Variants in KIF4A observed in about 807,000 individuals in gnomAD.
The protein encoded by KIF4A is chromosome-associated kinesin KIF4A.
A neutral mutation model predicts 105.9 loss-of-function variants in KIF4A; 7 were observed. The ratio of observed to expected loss-of-function variants is 0.07; its 90% CI spans 0.04 to 0.12. The LOEUF (loss-of-function observed/expected upper bound fraction) is 0.12. Ranked by LOEUF, KIF4A falls within the 10% of genes least tolerant of loss-of-function variation. The probability of loss-of-function intolerance (pLI) is 1.00; values close to 1 mark genes in which losing one functional copy is unlikely to be tolerated. For synonymous variants in KIF4A, 281 were observed against 331.3 expected (o/e 0.85, Z 1.65); for missense variants, 558 against 929.2 (o/e 0.60, Z 5.19).
chrX:70,336,609 G>A (rs906589548), intron 10 of KIF4A, among the ~76,000 whole-genome samples: 1 of 111,377 alleles, frequency 9.0e-6, no homozygotes, highest in Non-Finnish European at 1.9e-5. Context: ...CGTATTATGG[G>A]TGAATTTGAG....
intron 28 of KIF4A, among the ~76,000 whole-genome samples, chrX:70,414,135 CTT>C (rs1399938162): frequency 9.0e-6 from 1 of 111,543 alleles, no homozygotes; most frequent in Non-Finnish European, 1.9e-5. Flanking sequence ...TCAAAACAAT[CTT>C]AATATTTAAC....
At chrX:70,365,834 C>G (rs760317650) in intron 15 of KIF4A, among the ~76,000 whole-genome samples, 58 of 111,715 alleles carry the variant, frequency 5.2e-4, no homozygotes, top group Admixed American at 8.6e-4. Context: ...GCTCCTCCTT[C>G]TACCTCTGGT....
At chrX:70,364,567 T>A (rs1459171538) in intron 15 of KIF4A, among the ~76,000 whole-genome samples, 2 of 108,529 alleles carry the variant, frequency 1.8e-5, no homozygotes, top group East Asian at 5.8e-4. Context: ...GCGGCATTAT[T>A]TCTGAGGGCT....
At chrX:70,309,698 C>T (rs1177320166) in intron 7 of KIF4A, among the ~76,000 whole-genome samples, 1 of 112,345 alleles carries the variant, frequency 8.9e-6, no homozygotes, top group Non-Finnish European at 1.9e-5. Context: ...ATTAGCATAT[C>T]AATCACCTCA....
At chrX:70,387,124 G>C (rs1020946585) in intron 19 of KIF4A, 60 bp from the exon 20 acceptor site, 23 of 822,478 alleles carry the variant, frequency 2.8e-5, no homozygotes, top group Non-Finnish European at 4.0e-5. Context: ...TAATGTGCTA[G>C]AAATTGGATT....
Position 70,400,434 on chromosome X carries a change from T to C in KIF4A, c.2490-2132T>C, listed in dbSNP as rs139558590. On this transcript the variant is annotated intron_variant, in intron 22 of 30. Coordinates refer to ENST00000374403, the MANE Select transcript of KIF4A (RefSeq NM_012310.5). ...AATCCAGTCTATCATTGTTGGACAT[T>C]TGGGTTGCAACTAACTCTTAAGGAG... Among the ~76,000 whole-genome samples the C allele has an allele frequency of 2.1e-3, 233 of 111,817 alleles. 1 individual carries two copies. The highest frequency in any genetic ancestry group is 3.6e-3 in the Non-Finnish European group (190 of 53,191).
intron 3 of KIF4A, among the ~76,000 whole-genome samples, chrX:70,292,322 T>C (rs1010371297): frequency 3.5e-5 from 4 of 112,727 alleles, no homozygotes; most frequent in African/African-American, 1.3e-4. Context: ...TATTTAGTTT[T>C]GCTGTCTCTT....
At chrX:70,375,751 C>G (rs1262599899) in intron 17 of KIF4A, among the ~76,000 whole-genome samples, 4 of 112,034 alleles carry the variant, frequency 3.6e-5, no homozygotes, top group Non-Finnish European at 5.6e-5. Context: ...TTACAGGCTA[C>G]TTGTACTGAA....
intron 23 of KIF4A, among the ~76,000 whole-genome samples, chrX:70,403,137 C>G (rs1036361855): frequency 8.9e-5 from 10 of 112,394 alleles, no homozygotes; most frequent in Admixed American, 4.7e-4. Flanking sequence ...CTTTGCTGAC[C>G]TTAAAATGAT....
chrX:70,395,876 C>T, intron 21 of KIF4A, 50 bp downstream of exon 21: 2 of 1,199,660 alleles, frequency 1.7e-6, no homozygotes, highest in Non-Finnish European at 2.3e-6. Flanking sequence ...TCTACATTCC[C>T]CAGAAATCCT....
intron 15 of KIF4A, among the ~76,000 whole-genome samples, chrX:70,360,471 C>T (rs978448687): frequency 2.7e-5 from 3 of 112,692 alleles, no homozygotes; most frequent in East Asian, 2.8e-4. Context: ...ACACATGGAG[C>T]GAGGAATGTG....
chrX:70,319,279 G>A lies in KIF4A; in HGVS notation c.779-10126G>A, dbSNP rs367736949. 4.5e-5 allele frequency among the ~76,000 whole-genome samples: 5 copies of A among 111,377 alleles called. No homozygotes were observed. In the East Asian group the frequency reaches 1.4e-3, roughly 31 times the overall value. Reference sequence around the variant, plus strand: ...CTCCGTCTCAAAAAAAAGAAAGAAAGAAAGAAATCCTTTAGTACCTCAAGA... The same window carrying A: ...CTCCGTCTCAAAAAAAAGAAAGAAAAAAAGAAATCCTTTAGTACCTCAAGA... On this transcript the variant is annotated intron_variant, in intron 7 of 30. Transcript: ENST00000374403.
intron 18 of KIF4A, among the ~76,000 whole-genome samples, chrX:70,380,556 C>T (rs2147725927): frequency 9.0e-6 from 1 of 111,729 alleles, no homozygotes; most frequent in East Asian, 2.8e-4. Context: ...GTATGAAAAA[C>T]CCACAGCTAA....
rs750652631 is a variant in KIF4A at position 70,373,547 on chromosome X, TATATATATAC to T, written c.1675-603_1675-594del. ...ATGTATATATATATATATATATATA[TATATATATAC>T]GTATATATATACATATATACGTGTA... On this transcript the variant is annotated intron_variant, in intron 15 of 30. Coordinates refer to ENST00000374403, the MANE Select transcript of KIF4A (RefSeq NM_012310.5). 4.7e-3 allele frequency among the ~76,000 whole-genome samples: 204 copies of T among 43,567 alleles called. 52 individuals are homozygous for T. The East Asian group carries it at 0.059, about 13-fold the overall frequency. 37.8% of individuals were successfully genotyped at this position (43,567 alleles called of 115,157 possible).
intron 4 of KIF4A, 61 bp from the exon 5 acceptor site, chrX:70,299,052 C>T: frequency 3.4e-6 from 3 of 885,224 alleles, no homozygotes; most frequent in Non-Finnish European, 4.8e-6. Context: ...TATGATCTCA[C>T]CACCCAGAGA....
intron 20 of KIF4A, among the ~76,000 whole-genome samples, chrX:70,393,693 T>G (rs933539384): frequency 3.7e-5 from 4 of 109,536 alleles, no homozygotes; most frequent in Non-Finnish European, 7.6e-5. Context: ...CCCTCCAACT[T>G]TCTTTTTATT....
chrX:70,387,230 G>T lies in KIF4A; in HGVS notation c.2165G>T (p.Arg722Leu). 8.4e-7 allele frequency: 1 copy of T among 1,190,505 alleles called. No homozygotes were observed. Residue 722 changes from arginine to leucine, a missense_variant, in exon 20 of 31, where the codon CGG becomes CTG. Arg to Leu is a moderately radical substitution (Grantham distance 102). Around this residue, in one of 2 missense-constraint regions of KIF4A, gnomAD observed 469 missense variants for 680.4 expected, o/e 0.69. Transcript: ENST00000374403. ...CTCAAGGATGCTCTCCAGAAACAAC[G>T]GGAGGTTGCAGATAAGCGGAAAGAG... ...KRLKDALQKQREVADKRKETQ... is the reference protein window; with the variant it reads ...KRLKDALQKQLEVADKRKETQ...
At chrX:70,397,545 A>T (rs1475932976) in intron 22 of KIF4A, among the ~76,000 whole-genome samples, 2 of 112,164 alleles carry the variant, frequency 1.8e-5, no homozygotes, top group Non-Finnish European at 3.8e-5. Context: ...CTAAAAAGTA[A>T]AAAGAAAAAG....
intron 19 of KIF4A, 134 bp from the exon 20 acceptor site, chrX:70,387,050 G>C (rs889623294): frequency 2.9e-5 from 14 of 476,716 alleles, no homozygotes; most frequent in Non-Finnish European, 4.7e-5. Context: ...CCAGTGTTAT[G>C]TCCATGGAAG....
Sources: gnomAD v4.1 joint callset for allele counts (sites outside exome capture counted in the v4.1 genomes callset) on GRCh38, gnomAD v4.1.1 for gene constraint, gnomAD v4.1.1 regional missense constraint, MANE v1.5 for transcripts, NCBI Gene and HGNC (gene_info 2026-07-23, HGNC 2026-07-21) for gene names.